Variants in C2orf42 observed in about 807,000 individuals in gnomAD.
C2orf42 encodes the protein uncharacterized protein C2orf42.
A neutral mutation model predicts 58.9 loss-of-function variants in C2orf42; 44 were observed. That is an observed-to-expected ratio of 0.75 (90% CI 0.59 to 0.96). The LOEUF (loss-of-function observed/expected upper bound fraction) is 0.96. C2orf42 is among the 40% of genes least tolerant of loss of function. The pLI is 0.00. For synonymous variants in C2orf42, 239 were observed against 265.4 expected (o/e 0.90, Z 0.97); for missense variants, 630 against 699.2 (o/e 0.90, Z 1.12).
intron 3 of C2orf42, among the ~76,000 whole-genome samples, chr2:70,180,058 G>A (rs1356983303): frequency 3.9e-5 from 6 of 152,182 alleles, no homozygotes; most frequent in African/African-American, 7.2e-5. Flanking sequence ...CTGGGAGGCC[G>A]AGGCGGGTGG....
Position 70,162,929 on chromosome 2 carries a change from G to A in C2orf42, c.1354-2142C>T, listed in dbSNP as rs144692227. Among the ~76,000 whole-genome samples the A allele has an allele frequency of 7.5e-3, 1,141 of 152,082 alleles. 9 individuals are homozygous for A. Among genetic ancestry groups the A allele is most frequent in the Admixed American group, 0.011 (169 of 15,266 alleles). On this transcript the variant is annotated intron_variant, in intron 8 of 9. Transcript: ENST00000264434. ...GTCCCCCAGGCTGGAGTGCAATGGC[G>A]CAACCTCAGCTCACTGCAACCTCCG...
intron 9 of C2orf42, among the ~76,000 whole-genome samples, chr2:70,153,989 G>A (rs1458915261): frequency 1.3e-5 from 2 of 151,060 alleles, no homozygotes; most frequent in African/African-American, 2.4e-5. Flanking sequence ...GGAGGTGGAG[G>A]TTGCAGTGAG....
Position 70,150,408 on chromosome 2 carries a change from G to T in C2orf42, c.1673C>A (p.Pro558His), listed in dbSNP as rs1166730015. 6.2e-7 allele frequency: 1 copy of T among 1,614,134 alleles called. No homozygotes were observed. Among genetic ancestry groups the T allele is most frequent in the South Asian group, 1.1e-5 (1 of 91,076 alleles). ...GGCCAGTTCCAAGGGCTGGTCCAAG[G>T]GGGGCCGCTGGTCTTGGTACTCCGC... ...HVAEYQDQRPPLDQPLELAPL... is the reference protein window; with the variant it reads ...HVAEYQDQRPHLDQPLELAPL... The change falls in exon 10 of 10, where the codon CCC becomes CAC. Residue 558 changes from proline (P) to histidine (H), a missense_variant. Transcript: ENST00000264434.
chr2:70,185,404 G>A (rs68190218), intron 1 of C2orf42, among the ~76,000 whole-genome samples: 10,195 of 125,270 alleles, frequency 0.081, 378 homozygotes, highest in East Asian at 0.22. Flanking sequence ...GTGAAATTCC[G>A]TGTCAAAAAA....
At chr2:70,157,607 G>A (rs1411735054) in intron 9 of C2orf42, among the ~76,000 whole-genome samples, 2 of 152,088 alleles carry the variant, frequency 1.3e-5, no homozygotes, top group African/African-American at 4.8e-5. Flanking sequence ...GACCAGCCTG[G>A]CCAACATGGC....
intron 6 of C2orf42, among the ~76,000 whole-genome samples, chr2:70,168,061 C>T (rs1673525235): frequency 6.6e-6 from 1 of 151,800 alleles, no homozygotes. Flanking sequence ...GGTGAAACCC[C>T]ATCTCTACTA....
intron 5 of C2orf42, among the ~76,000 whole-genome samples, chr2:70,170,790 C>G (rs561305236): frequency 6.6e-6 from 1 of 150,592 alleles, no homozygotes; most frequent in African/African-American, 2.4e-5. Flanking sequence ...AGAAGCAACA[C>G]TAAACTGCAT....
At chr2:70,157,179 G>A (rs531468041) in intron 9 of C2orf42, among the ~76,000 whole-genome samples, 9 of 152,324 alleles carry the variant, frequency 5.9e-5, no homozygotes, top group African/African-American at 1.9e-4. Flanking sequence ...ATAAGGCCGG[G>A]TGCGGTGGCT....
intron 8 of C2orf42, among the ~76,000 whole-genome samples, chr2:70,161,618 A>T (rs1471939147): frequency 6.6e-6 from 1 of 152,104 alleles, no homozygotes; most frequent in African/African-American, 2.4e-5. Flanking sequence ...AGGTAGGCGG[A>T]TCACCTGAGG....
chr2:70,155,386 C>G (rs1015235616), intron 9 of C2orf42, among the ~76,000 whole-genome samples: 3 of 152,178 alleles, frequency 2.0e-5, no homozygotes, highest in African/African-American at 7.2e-5. Context: ...GTCTCAAACT[C>G]CTGGGCTCAA....
rs187293347 is a variant in C2orf42, at chr2:70,155,324, A to G, written c.1517-4760T>C. ...TTCATAGGCAGAGGAGCCCCTGGCT[A>G]ATTTTAAAAATTCTTTTATAGAGAT... On this transcript the variant is annotated intron_variant, in intron 9 of 9. Transcript: ENST00000264434. 2.4e-4 allele frequency among the ~76,000 whole-genome samples: 37 copies of G among 152,254 alleles called. No individual in the cohort carries two copies. In the East Asian group the frequency reaches 6.6e-3, roughly 27 times the overall value.
chr2:70,189,611 G>T (rs895296420), intron 1 of C2orf42, among the ~76,000 whole-genome samples: 2 of 151,552 alleles, frequency 1.3e-5, no homozygotes, highest in Non-Finnish European at 2.9e-5. Context: ...CAGCTACTAG[G>T]GAGGCTGAGG....
chr2:70,160,144 T>G (rs1672959678), intron 9 of C2orf42, among the ~76,000 whole-genome samples: 1 of 151,352 alleles, frequency 6.6e-6, no homozygotes, highest in South Asian at 2.1e-4. Flanking sequence ...TTTTTTTTTT[T>G]TTTTTCTTTT....
chr2:70,167,673 G>A (rs1326374231), intron 6 of C2orf42, among the ~76,000 whole-genome samples: 2 of 152,062 alleles, frequency 1.3e-5, no homozygotes, highest in African/African-American at 2.4e-5. Flanking sequence ...CCTGGGAGGT[G>A]GAGGTTGCAG....
chr2:70,180,988 G>A (rs1359911129), intron 3 of C2orf42, among the ~76,000 whole-genome samples, 175 bp downstream of exon 3: 2 of 105,788 alleles, frequency 1.9e-5, no homozygotes, highest in Admixed American at 2.5e-4. Flanking sequence ...GCAACAAAGT[G>A]AGACCTTGTC....
intron 9 of C2orf42, among the ~76,000 whole-genome samples, chr2:70,152,590 T>C (rs570833231): frequency 6.6e-6 from 1 of 152,274 alleles, no homozygotes; most frequent in South Asian, 2.1e-4. Flanking sequence ...TCTCTCTCAC[T>C]GTTTGTGCCC....
At chr2:70,187,335 C>A (rs1012451330) in intron 1 of C2orf42, among the ~76,000 whole-genome samples, 9 of 152,160 alleles carry the variant, frequency 5.9e-5, no homozygotes, top group African/African-American at 1.9e-4. Context: ...ACTGCAACCT[C>A]CGCCTCCCGG....
intron 6 of C2orf42, among the ~76,000 whole-genome samples, chr2:70,166,082 G>A (rs1409604585): frequency 1.3e-5 from 2 of 151,786 alleles, no homozygotes; most frequent in Non-Finnish European, 1.5e-5. Flanking sequence ...GTAGAGATGG[G>A]GTTTCACCAT....
intron 9 of C2orf42, among the ~76,000 whole-genome samples, chr2:70,154,555 A>G (rs1226065726): frequency 6.6e-6 from 1 of 152,054 alleles, no homozygotes; most frequent in East Asian, 1.9e-4. Flanking sequence ...AGAAATAGAC[A>G]CAAATACAAC....
Sources: gnomAD v4.1 joint callset for allele counts (sites outside exome capture counted in the v4.1 genomes callset) on GRCh38, gnomAD v4.1.1 for gene constraint, MANE v1.5 for transcripts, NCBI Gene and HGNC (gene_info 2026-07-23, HGNC 2026-07-21) for gene names.